PPARGC1A: variants seen among roughly 807,000 people sequenced by gnomAD.
PPARGC1A encodes the protein PPARG coactivator 1 alpha.
A neutral mutation model predicts 88.7 loss-of-function variants in PPARGC1A; 25 were observed. That is an observed-to-expected ratio of 0.28 (90% CI 0.21 to 0.39). The LOEUF is 0.39. PPARGC1A is among the 10% of genes least tolerant of loss of function. PPARGC1A has a pLI of 1.00. For missense variants in PPARGC1A, 880 were observed against 968.7 expected (o/e 0.91, Z 1.22); for synonymous variants, 363 against 355.6 (o/e 1.02, Z -0.24).
chr4:24,103,984 G>T, the PPARGC1A span, among the ~76,000 whole-genome samples: 1 of 152,276 alleles, frequency 6.6e-6, no homozygotes, highest in Non-Finnish European at 1.5e-5. Context: ...GAAGATTAAG[G>T]CCGATGAATA....
At chr4:24,177,751 G>T in the PPARGC1A span, among the ~76,000 whole-genome samples, 1 of 151,304 alleles carries the variant, frequency 6.6e-6, no homozygotes, top group Non-Finnish European at 1.5e-5. Context: ...AATAAGAGCT[G>T]GCAGGCATAC....
At chr4:24,401,626 C>G in the PPARGC1A span, among the ~76,000 whole-genome samples, 3 of 152,154 alleles carry the variant, frequency 2.0e-5, no homozygotes, top group African/African-American at 7.2e-5. Flanking sequence ...TCACAAAAAC[C>G]CTTTAAGATA....
At chr4:23,978,381 A>T in the PPARGC1A span, among the ~76,000 whole-genome samples, 1 of 152,196 alleles carries the variant, frequency 6.6e-6, no homozygotes, top group Non-Finnish European at 1.5e-5. Flanking sequence ...TAGTCTTTCT[A>T]AAAATGTGAT....
intron 2 of PPARGC1A, among the ~76,000 whole-genome samples, chr4:23,880,421 TCTTA>T (rs1715695441): frequency 6.6e-6 from 1 of 152,182 alleles, no homozygotes; most frequent in African/African-American, 2.4e-5. Flanking sequence ...TTTGTTGAGT[TCTTA>T]CTTTCTGCTA....
the PPARGC1A span, among the ~76,000 whole-genome samples, chr4:24,021,221 C>T: frequency 2.2e-4 from 33 of 152,192 alleles, no homozygotes; most frequent in Admixed American, 6.5e-4. Flanking sequence ...CAGGGGACTA[C>T]GGACCACCCA....
the PPARGC1A span, among the ~76,000 whole-genome samples, chr4:24,066,913 T>C: frequency 1.6e-5 from 2 of 121,324 alleles, no homozygotes; most frequent in African/African-American, 6.5e-5. Context: ...TTAAGACAAA[T>C]GCCATTTTAA....
the PPARGC1A span, among the ~76,000 whole-genome samples, chr4:24,184,500 T>C: frequency 6.6e-6 from 1 of 152,196 alleles, no homozygotes; most frequent in Admixed American, 6.5e-5. Flanking sequence ...ACTAATCTCA[T>C]CAGGTTCCCA....
chr4:24,302,310 T>C, the PPARGC1A span, among the ~76,000 whole-genome samples: 1 of 152,214 alleles, frequency 6.6e-6, no homozygotes, highest in Non-Finnish European at 1.5e-5. Flanking sequence ...TGGCATACTG[T>C]ATTTGCAGAG....
At chr4:24,339,375 T>C in the PPARGC1A span, among the ~76,000 whole-genome samples, 1 of 151,918 alleles carries the variant, frequency 6.6e-6, no homozygotes, top group African/African-American at 2.4e-5. Flanking sequence ...TTTTTTTTTC[T>C]TTATCTTATT....
the PPARGC1A span, among the ~76,000 whole-genome samples, chr4:24,106,709 G>A: frequency 6.6e-6 from 1 of 152,164 alleles, no homozygotes; most frequent in South Asian, 2.1e-4. Context: ...CTTGTCCCTT[G>A]CTTTAGCCAA....
chr4:24,104,450 C>A, the PPARGC1A span, among the ~76,000 whole-genome samples: 2 of 152,134 alleles, frequency 1.3e-5, no homozygotes, highest in African/African-American at 2.4e-5. Flanking sequence ...AGCTCAGATT[C>A]AATTCACTGA....
At chr4:24,074,912 G>A in the PPARGC1A span, among the ~76,000 whole-genome samples, 7 of 152,248 alleles carry the variant, frequency 4.6e-5, no homozygotes, top group South Asian at 2.1e-4. Flanking sequence ...GTGCTTTGCC[G>A]AAAAGCAGAA....
the PPARGC1A span, among the ~76,000 whole-genome samples, chr4:24,343,532 A>AGCACATT: frequency 6.6e-6 from 1 of 152,198 alleles, no homozygotes; most frequent in Non-Finnish European, 1.5e-5. Context: ...CATTGATCCT[A>AGCACATT]GATTTCTGAG....
the PPARGC1A span, among the ~76,000 whole-genome samples, chr4:24,417,904 G>C: frequency 4.6e-5 from 7 of 151,942 alleles, no homozygotes; most frequent in Non-Finnish European, 8.8e-5. Flanking sequence ...GCAGGTAAAA[G>C]TTCAAAAACA....
At chr4:24,055,013 C>T in the PPARGC1A span, among the ~76,000 whole-genome samples, 1 of 152,214 alleles carries the variant, frequency 6.6e-6, no homozygotes, top group Non-Finnish European at 1.5e-5. Flanking sequence ...TCACTATCCC[C>T]TTTTACCGAT....
the PPARGC1A span, among the ~76,000 whole-genome samples, chr4:24,431,368 A>G: frequency 6.6e-6 from 1 of 152,132 alleles, no homozygotes; most frequent in Non-Finnish European, 1.5e-5. Context: ...TAAATATGAG[A>G]TGTATACAGG....
At chr4:23,971,492 G>A in the PPARGC1A span, among the ~76,000 whole-genome samples, 956 of 152,278 alleles carry the variant, frequency 6.3e-3, 6 homozygotes, top group Middle Eastern at 0.014. Context: ...ACAATAGGCC[G>A]TCTGCAGGCT....
chr4:24,100,000 A>T, the PPARGC1A span, among the ~76,000 whole-genome samples: 21 of 150,950 alleles, frequency 1.4e-4, no homozygotes, highest in East Asian at 1.8e-3. Context: ...GAGGGATAGC[A>T]CTAGGAGATA....
At chr4:24,036,741 T>G in the PPARGC1A span, among the ~76,000 whole-genome samples, 61 of 152,258 alleles carry the variant, frequency 4.0e-4, no homozygotes, top group African/African-American at 1.4e-3. Context: ...GGTAGGGTAT[T>G]GAATTGAAAG....
Sources: gnomAD v4.1 joint callset for allele counts (sites outside exome capture counted in the v4.1 genomes callset) on GRCh38, gnomAD v4.1.1 for gene constraint, MANE v1.5 for transcripts, NCBI Gene and HGNC (gene_info 2026-07-23, HGNC 2026-07-21) for gene names.